Variants in SPG7 observed in about 807,000 individuals in gnomAD.
SPG7 encodes SPG7 matrix AAA peptidase subunit, paraplegin, also known as mitochondrial inner membrane m-AAA protease component paraplegin.
SPG7 carries 103 observed loss-of-function variants against 81.9 expected under a neutral mutation model. That is an observed-to-expected ratio of 1.26 (90% CI 1.07 to 1.48). The LOEUF (loss-of-function observed/expected upper bound fraction) is 1.48. SPG7 is among the 40% of genes most tolerant of loss of function. The pLI, the probability that SPG7 is intolerant of heterozygous loss-of-function variation, is 0.00. For synonymous variants in SPG7, 534 were observed against 444.2 expected, an observed-to-expected ratio of 1.20 and a Z score of -2.54; for missense variants, 1,241 against 1,087.3, an observed-to-expected ratio of 1.14 and a Z score of -1.99.
intron 1 of SPG7, chr16:89,509,032 C>A: frequency 2.2e-6 from 1 of 449,032 alleles, no homozygotes; most frequent in Non-Finnish European, 4.5e-6. Flanking sequence ...GTTTCTGTGT[C>A]CGCAAAATAC....
At position 89,541,561 on chromosome 16, in the gene SPG7, C is replaced by G. The variant is rs76100787; in HGVS notation, c.1325-3087C>G. ...GACACAGGTGTCCATCTGTGGAGCA[C>G]ACACACAGGTGAGAGCACATAGGAG... is the stretch of plus-strand genomic sequence containing the variant. On this transcript the variant is annotated intron_variant, in intron 9 of 16. Transcript: ENST00000645818. 5.3e-3 allele frequency: 830 copies of G among 156,598 alleles called. 6 individuals carry two copies. Among genetic ancestry groups the G allele is most frequent in the African/African-American group, 0.018 (729 of 41,620 alleles). The allele number at this position is 156,598 out of a possible 1,614,324, so 9.7% of individuals were successfully genotyped here.
intron 4 of SPG7, among the ~76,000 whole-genome samples, chr16:89,525,354 C>T (rs2058246508): frequency 6.6e-6 from 1 of 152,182 alleles, no homozygotes; most frequent in Admixed American, 6.5e-5. Flanking sequence ...CACGTAAATC[C>T]TCTGGTGGAT....
At chr16:89,532,849 C>G in intron 9 of SPG7, 1 of 586,060 alleles carries the variant, frequency 1.7e-6, no homozygotes, top group Non-Finnish European at 3.0e-6. Flanking sequence ...TTTGGGAGGC[C>G]AAGACAGGCG....
At chr16:89,516,235 G>A (rs1188288671) in intron 3 of SPG7, among the ~76,000 whole-genome samples, 1 of 149,528 alleles carries the variant, frequency 6.7e-6, no homozygotes, top group Non-Finnish European at 1.5e-5. Context: ...TGATCCACTC[G>A]CCTTGGTCTC....
chr16:89,543,510 T>C (rs1265144068), intron 9 of SPG7: 1 of 151,862 alleles, frequency 6.6e-6, no homozygotes, highest in East Asian at 1.9e-4. Flanking sequence ...AGCTAATTTT[T>C]GTATTTTAGT....
intron 13 of SPG7, chr16:89,552,763 C>T (rs2058649001): frequency 3.3e-6 from 2 of 599,392 alleles, no homozygotes; most frequent in Admixed American, 2.4e-5. Context: ...GAAGACACTT[C>T]CCGGCAGTGT....
At chr16:89,521,527 G>C (rs1322187996) in intron 3 of SPG7, 1 of 152,246 alleles carries the variant, frequency 6.6e-6, no homozygotes, top group Non-Finnish European at 1.5e-5. Flanking sequence ...AGAATCACCT[G>C]AGCTCAGTCG....
At chr16:89,509,880 C>T (rs1051790056) in intron 1 of SPG7, among the ~76,000 whole-genome samples, 1 of 149,634 alleles carries the variant, frequency 6.7e-6, no homozygotes, top group African/African-American at 2.5e-5. Context: ...CCTCTGCCTC[C>T]TGGGCCCAAG....
rs763204452 is a variant in SPG7, at chr16:89,557,092, A to G, written c.2387A>G (p.Ter796TrpextTer14). 4.3e-6 allele frequency: 7 copies of G among 1,610,672 alleles called. No individual in the cohort carries two copies. The Admixed American group carries it at 6.7e-5, about 15-fold the overall frequency. Residue 796 changes from the stop codon to tryptophan (W), a stop_lost, in exon 17 of 17, where the codon TAG becomes TGG. Coordinates refer to ENST00000645818, the MANE Select transcript of SPG7 (RefSeq NM_003119.4). ...LGGEEPTWPK[*>W] is the part of the protein sequence containing the mutation. Reference sequence around the variant, plus strand: ...GGCGAAGAGCCGACTTGGCCCAAGTAGTTGGGAGGTGTTGGCTGCACGTGC... The same window carrying G: ...GGCGAAGAGCCGACTTGGCCCAAGTGGTTGGGAGGTGTTGGCTGCACGTGC...
At chr16:89,544,332 T>G (rs1597653476) in intron 9 of SPG7, 21 of 358,086 alleles carry the variant, frequency 5.9e-5, no homozygotes, top group African/African-American at 1.1e-4. Context: ...GGGTGGGGGG[T>G]GGCTGTTAGG....
At chr16:89,513,581 A>G (rs970486567) in intron 3 of SPG7, among the ~76,000 whole-genome samples, 1 of 151,758 alleles carries the variant, frequency 6.6e-6, no homozygotes, top group African/African-American at 2.4e-5. Flanking sequence ...AAAGAAGAAA[A>G]TAATTGGCCA....
chr16:89,544,943 T>C (rs1597654379), intron 10 of SPG7, 171 bp downstream of exon 10: 1 of 761,064 alleles, frequency 1.3e-6, no homozygotes, highest in Non-Finnish European at 2.2e-6. Context: ...CCAGCAGACC[T>C]GCCCACCGGC....
intron 12 of SPG7, chr16:89,549,421 G>A (rs1446162818): frequency 2.7e-6 from 1 of 363,700 alleles, no homozygotes. Context: ...GCACTTTGGG[G>A]GCTGAGGCAG....
At chr16:89,539,097 A>G (rs1159189806) in intron 9 of SPG7, 4 of 152,230 alleles carry the variant, frequency 2.6e-5, no homozygotes, top group Non-Finnish European at 5.9e-5. Flanking sequence ...CAGGGCTCTG[A>G]ACACAGCCCT....
Position 89,536,876 on chromosome 16 carries a change from G to A in SPG7, c.1324+4240G>A, listed in dbSNP as rs147657565. On this transcript the variant is annotated intron_variant, in intron 9 of 16. Coordinates refer to ENST00000645818, the MANE Select transcript of SPG7 (RefSeq NM_003119.4). Reference sequence around the variant, plus strand: ...ACAGGGTCACGGAGGGCAATGGAGGGTCATTCGCTCTGCTGGGGTTGCCTT... The same window carrying A: ...ACAGGGTCACGGAGGGCAATGGAGGATCATTCGCTCTGCTGGGGTTGCCTT... 9.8e-5 allele frequency: 158 copies of A among 1,614,066 alleles called. No homozygotes were observed. In the African/African-American group the frequency reaches 1.9e-3, roughly 19 times the overall value.
At chr16:89,542,517 A>G (rs1275391544) in intron 9 of SPG7, among the ~76,000 whole-genome samples, 1 of 152,216 alleles carries the variant, frequency 6.6e-6, no homozygotes, top group African/African-American at 2.4e-5. Flanking sequence ...GGGACTTAGC[A>G]TCCCAGCTTA....
At chr16:89,512,683 C>T in intron 2 of SPG7, among the ~76,000 whole-genome samples, 1 of 152,188 alleles carries the variant, frequency 6.6e-6, no homozygotes, top group East Asian at 1.9e-4. Flanking sequence ...GTGTTCATAA[C>T]TATTTTTTAT....
At chr16:89,508,966 A>C in intron 1 of SPG7, 1 of 493,574 alleles carries the variant, frequency 2.0e-6, no homozygotes, top group Non-Finnish European at 4.0e-6. Context: ...TTCCGTCACC[A>C]GGAATTCCAG....
chr16:89,543,098 C>T (rs891840416), intron 9 of SPG7: 2 of 151,778 alleles, frequency 1.3e-5, no homozygotes, highest in Non-Finnish European at 2.9e-5. Flanking sequence ...CAGGCGCCCG[C>T]CACCACGCCC....
Sources: allele counts gnomAD v4.1 joint callset (sites outside exome capture counted in the v4.1 genomes callset), GRCh38; gene constraint gnomAD v4.1.1; transcripts MANE v1.5; gene names NCBI Gene and HGNC (gene_info 2026-07-23, HGNC 2026-07-21).